HHAT: variants seen among roughly 807,000 people sequenced by gnomAD.
HHAT encodes the protein protein-cysteine N-palmitoyltransferase HHAT.
Under a neutral mutation model 70.8 loss-of-function variants are expected in HHAT, and 47 were observed. That is an observed-to-expected ratio of 0.66 (90% CI 0.53 to 0.85). HHAT has a LOEUF of 0.85. HHAT is among the 40% of genes least tolerant of loss of function. The probability of loss-of-function intolerance (pLI) is 0.00; values close to 1 mark genes in which losing one functional copy is unlikely to be tolerated. For missense variants in HHAT, 609 were observed against 604.8 expected, an observed-to-expected ratio of 1.01 and a Z score of -0.07; for synonymous variants, 228 against 247.6, an observed-to-expected ratio of 0.92 and a Z score of 0.74.
rs973554143 is a variant in HHAT at position 210,535,452 on chromosome 1, TGTGG to T, written c.1043+22266_1043+22269del. Among the ~76,000 whole-genome samples the T allele has an allele frequency of 3.3e-5, 5 of 151,284 alleles. No individual in the cohort carries two copies. The South Asian group carries it at 6.3e-4, about 19-fold the overall frequency. On this transcript the variant is annotated intron_variant, in intron 9 of 11. Coordinates refer to ENST00000261458, the MANE Select transcript of HHAT (RefSeq NM_018194.6). The stretch of plus-strand genomic sequence containing the variant: ...GTGTTTGTGTGTGTGTGTGTGTGTG[TGTGG>T]GGTAAAATAATATAAATAATCTGTC...
intron 8 of HHAT, 55 bp from the exon 9 acceptor site, chr1:210,513,098 A>G (rs867703137): frequency 9.8e-7 from 1 of 1,015,954 alleles, no homozygotes; most frequent in Middle Eastern, 2.0e-4. Context: ...TGTCTAGTCT[A>G]CCATTACTAT....
At chr1:210,410,263 A>G (rs1048877242) in intron 6 of HHAT, among the ~76,000 whole-genome samples, 3 of 151,582 alleles carry the variant, frequency 2.0e-5, no homozygotes, top group African/African-American at 7.3e-5. Flanking sequence ...TCATCGTGTT[A>G]GCCAGAATGG....
intron 11 of HHAT, among the ~76,000 whole-genome samples, chr1:210,671,829 G>GCT (rs1379465347): frequency 3.3e-5 from 5 of 152,232 alleles, no homozygotes; most frequent in African/African-American, 1.2e-4. Flanking sequence ...AGGAGGTGGA[G>GCT]CTGTGGGGCT....
At chr1:210,426,717 T>A (rs914989438) in intron 7 of HHAT, among the ~76,000 whole-genome samples, 11 of 152,176 alleles carry the variant, frequency 7.2e-5, no homozygotes, top group Non-Finnish European at 1.2e-4. Context: ...GGATAAGCTT[T>A]TTAGTGTGGT....
rs188134895 is a variant in HHAT, at chr1:210,358,770, G to A, written c.92-4082G>A. ...AGTGGCTTGTGTCAGACTAGGGTGT[G>A]TGTGTGTATGTGTTTTCTTCTGATT... is the stretch of plus-strand genomic sequence containing the variant. On this transcript the variant is annotated intron_variant, in intron 2 of 11. Coordinates refer to ENST00000261458, the MANE Select transcript of HHAT (RefSeq NM_018194.6). Among the ~76,000 whole-genome samples the A allele has an allele frequency of 1.4e-4, 21 of 152,312 alleles. No homozygotes were observed. The East Asian group carries it at 3.5e-3, about 25-fold the overall frequency.
rs914390651 is a variant in HHAT, at chr1:210,675,574, T to C, written c.*1195T>C. 2.0e-5 allele frequency: 3 copies of C among 152,186 alleles called. No individual in the cohort carries two copies. The highest frequency in any genetic ancestry group is 4.4e-5 in the Non-Finnish European group (3 of 68,028). The allele number at this position is 152,186 out of a possible 1,614,324, so 9.4% of individuals were successfully genotyped here. On this transcript the variant is annotated 3_prime_UTR_variant, in exon 12 of 12. Coordinates refer to ENST00000261458, the MANE Select transcript of HHAT (RefSeq NM_018194.6). ...CAACATCTCAAGTACGTAAATTAAG[T>C]TGTCATTGAGTGAAAGGTTCACTTG...
chr1:210,671,488 C>G (rs561791644), intron 11 of HHAT, among the ~76,000 whole-genome samples: 1 of 152,306 alleles, frequency 6.6e-6, no homozygotes, highest in East Asian at 1.9e-4. Context: ...CAGAATGTGA[C>G]TTCATTTGGG....
At chr1:210,606,413 C>G (rs1282608609) in intron 10 of HHAT, among the ~76,000 whole-genome samples, 1 of 152,132 alleles carries the variant, frequency 6.6e-6, no homozygotes, top group Non-Finnish European at 1.5e-5. Flanking sequence ...AGTTTACTGT[C>G]CCTCCTTCTT....
intron 9 of HHAT, among the ~76,000 whole-genome samples, chr1:210,551,194 C>G (rs779348998): frequency 1.3e-5 from 2 of 148,704 alleles, no homozygotes; most frequent in Non-Finnish European, 2.9e-5. Context: ...GTGATATGTA[C>G]TCCATCGACC....
intron 9 of HHAT, among the ~76,000 whole-genome samples, chr1:210,520,543 T>G (rs549262177): frequency 6.6e-6 from 1 of 152,296 alleles, no homozygotes; most frequent in East Asian, 1.9e-4. Context: ...TTCTTTGTGG[T>G]TACTATGGGA....
intron 3 of HHAT, among the ~76,000 whole-genome samples, chr1:210,378,944 T>C (rs533908507): frequency 6.6e-6 from 1 of 152,348 alleles, no homozygotes; most frequent in East Asian, 1.9e-4. Context: ...AGTATGTTAG[T>C]CATGGTTCCA....
At chr1:210,616,530 G>A (rs376187037) in intron 10 of HHAT, among the ~76,000 whole-genome samples, 10 of 152,132 alleles carry the variant, frequency 6.6e-5, no homozygotes, top group South Asian at 4.1e-4. Flanking sequence ...ATTTGAAATC[G>A]ACAGTTGGTA....
intron 1 of HHAT, among the ~76,000 whole-genome samples, chr1:210,339,405 C>G (rs978506570): frequency 7.3e-6 from 1 of 136,200 alleles, no homozygotes; most frequent in Non-Finnish European, 1.5e-5. Flanking sequence ...TGCTGCTCCT[C>G]CCATAAAGAA....
intron 10 of HHAT, among the ~76,000 whole-genome samples, chr1:210,608,177 G>A (rs929902132): frequency 2.1e-4 from 32 of 152,100 alleles, no homozygotes; most frequent in Admixed American, 1.7e-3. Flanking sequence ...ATGTGTGTAC[G>A]TGGTTCTTTA....
intron 7 of HHAT, among the ~76,000 whole-genome samples, chr1:210,453,265 T>C (rs1464622815): frequency 6.6e-6 from 1 of 152,138 alleles, no homozygotes; most frequent in Non-Finnish European, 1.5e-5. Context: ...GTAGAAAAAA[T>C]TTTTATAAAT....
At chr1:210,350,329 CA>C (rs1489755205) in intron 2 of HHAT, among the ~76,000 whole-genome samples, 3 of 152,182 alleles carry the variant, frequency 2.0e-5, no homozygotes, top group African/African-American at 7.2e-5. Flanking sequence ...CCAGGATTTT[CA>C]TTGTGGTTGC....
intron 7 of HHAT, among the ~76,000 whole-genome samples, chr1:210,432,268 G>T (rs2093267924): frequency 6.6e-6 from 1 of 151,780 alleles, no homozygotes; most frequent in Non-Finnish European, 1.5e-5. Flanking sequence ...ATAAAGGAGG[G>T]CCAAGTATAG....
intron 7 of HHAT, among the ~76,000 whole-genome samples, chr1:210,451,876 G>C (rs2093763449): frequency 6.6e-6 from 1 of 152,216 alleles, no homozygotes; most frequent in Non-Finnish European, 1.5e-5. Context: ...GGAAAAGAAA[G>C]TAGGGTATGG....
At chr1:210,496,031 G>A (rs12042561) in intron 8 of HHAT, among the ~76,000 whole-genome samples, 2,684 of 72,536 alleles carry the variant, frequency 0.037, 193 homozygotes, top group East Asian at 0.36. Context: ...AAAAAAAAAA[G>A]AAAAAGAAAA....
Sources: allele counts gnomAD v4.1 joint callset (sites outside exome capture counted in the v4.1 genomes callset), GRCh38; gene constraint gnomAD v4.1.1; transcripts MANE v1.5; gene names NCBI Gene and HGNC (gene_info 2026-07-23, HGNC 2026-07-21).